NRP2: variants seen among roughly 807,000 people sequenced by gnomAD.
The protein encoded by NRP2 is neuropilin-2.
NRP2 carries 52 observed loss-of-function variants against 110.4 expected under a neutral mutation model. The observed-to-expected ratio is 0.47, with a 90% CI of 0.38 to 0.59. NRP2 has a LOEUF of 0.59. Ranked by LOEUF, NRP2 falls within the 20% of genes least tolerant of loss-of-function variation. The pLI is 0.00. For synonymous variants in NRP2, 508 were observed against 468.9 expected (o/e 1.08, Z -1.08); for missense variants, 1,049 against 1,203.0 (o/e 0.87, Z 1.89).
intron 13 of NRP2, among the ~76,000 whole-genome samples, chr2:205,765,097 C>T (rs1049053325): frequency 1.1e-4 from 17 of 152,120 alleles, no homozygotes; most frequent in Non-Finnish European, 2.1e-4. Flanking sequence ...TTTTCAAATA[C>T]CTGGATTGGG....
intron 5 of NRP2, among the ~76,000 whole-genome samples, chr2:205,724,886 C>T (rs527746540): frequency 1.5e-4 from 23 of 152,094 alleles, no homozygotes; most frequent in Non-Finnish European, 2.9e-4. Context: ...AGACTGGTCT[C>T]GAACTCCTGC....
At chr2:205,777,473 G>A (rs2058118054) in intron 15 of NRP2, 1 of 152,204 alleles carries the variant, frequency 6.6e-6, no homozygotes, top group African/African-American at 2.4e-5. Context: ...ATAAGTCATA[G>A]AGAATAACAA....
At chr2:205,720,266 T>C (rs537333497) in intron 3 of NRP2, among the ~76,000 whole-genome samples, 26 of 40,570 alleles carry the variant, frequency 6.4e-4, no homozygotes, top group East Asian at 3.6e-3. Context: ...TTCTTTCTTT[T>C]TTTTTTTTTT....
chr2:205,697,479 G>A (rs997523357), intron 1 of NRP2, 65 bp from the exon 2 acceptor site: 1 of 1,389,212 alleles, frequency 7.2e-7, no homozygotes, highest in African/African-American at 1.4e-5. Context: ...AGAGAAGGAG[G>A]GAGTGTGGGG....
At chr2:205,755,854 G>C (rs1441574638) in intron 12 of NRP2, among the ~76,000 whole-genome samples, 1 of 152,150 alleles carries the variant, frequency 6.6e-6, no homozygotes, top group Non-Finnish European at 1.5e-5. Context: ...ATTTAAGAAA[G>C]GAGGTGTCTC....
intron 1 of NRP2, among the ~76,000 whole-genome samples, chr2:205,687,976 C>A (rs1455556822): frequency 6.6e-6 from 1 of 152,114 alleles, no homozygotes; most frequent in Non-Finnish European, 1.5e-5. Context: ...TTCCCTAAAG[C>A]AATCAGGAAA....
chr2:205,794,635 T>C (rs1013876800), intron 16 of NRP2, 119 bp from the exon 17 acceptor site: 20 of 1,069,324 alleles, frequency 1.9e-5, no homozygotes, highest in Non-Finnish European at 2.9e-5. Flanking sequence ...GGCAGTCTAA[T>C]TCCAGAGCTG....
intron 1 of NRP2, among the ~76,000 whole-genome samples, chr2:205,684,554 C>T (rs750997856): frequency 5.3e-5 from 8 of 152,162 alleles, no homozygotes; most frequent in Non-Finnish European, 8.8e-5. Flanking sequence ...ACCCTTCCTT[C>T]TCCTCACGCC....
intron 7 of NRP2, among the ~76,000 whole-genome samples, chr2:205,738,157 T>A (rs2057377744): frequency 6.6e-6 from 1 of 152,202 alleles, no homozygotes; most frequent in Non-Finnish European, 1.5e-5. Flanking sequence ...TGCTGTGGAT[T>A]AGCGGCAGTG....
chr2:205,745,915 G>T, intron 10 of NRP2, 25 bp downstream of exon 10: 3 of 1,613,624 alleles, frequency 1.9e-6, no homozygotes, highest in Non-Finnish European at 2.5e-6. Flanking sequence ...CCTCCTCTTT[G>T]CATCTCACCC....
chr2:205,732,444 G>A (rs895328149), intron 7 of NRP2, among the ~76,000 whole-genome samples: 1 of 152,226 alleles, frequency 6.6e-6, no homozygotes, highest in East Asian at 1.9e-4. Context: ...AGAGGCACGT[G>A]ATGTCTATTT....
intron 7 of NRP2, among the ~76,000 whole-genome samples, chr2:205,737,886 T>C (rs982094255): frequency 6.6e-6 from 1 of 152,110 alleles, no homozygotes; most frequent in Admixed American, 6.5e-5. Flanking sequence ...TGTGGCCACA[T>C]GTATCCATGG....
chr2:205,730,017 G>T (rs1209974814), intron 7 of NRP2, among the ~76,000 whole-genome samples: 2 of 152,148 alleles, frequency 1.3e-5, no homozygotes, highest in African/African-American at 4.8e-5. Context: ...CAGAGGAAAA[G>T]CCCATTCTCT....
intron 12 of NRP2, among the ~76,000 whole-genome samples, chr2:205,754,968 G>GA (rs2057710659): frequency 6.6e-6 from 1 of 152,094 alleles, no homozygotes; most frequent in African/African-American, 2.4e-5. Context: ...ACTCTTCTAA[G>GA]CATATTTTCT....
chr2:205,792,562 C>T (rs959324832), intron 16 of NRP2, among the ~76,000 whole-genome samples: 1 of 152,214 alleles, frequency 6.6e-6, no homozygotes, highest in Non-Finnish European at 1.5e-5. Context: ...TCTGAATAAA[C>T]CCTTTACAAG....
chr2:205,721,497 C>A (rs2057011296), intron 3 of NRP2, among the ~76,000 whole-genome samples: 1 of 152,064 alleles, frequency 6.6e-6, no homozygotes, highest in Admixed American at 6.5e-5. Flanking sequence ...GTGGTGCTGC[C>A]CTGGCAAATG....
intron 3 of NRP2, 90 bp from the exon 4 acceptor site, chr2:205,722,388 T>G: frequency 2.8e-6 from 3 of 1,077,868 alleles, no homozygotes; most frequent in Non-Finnish European, 2.8e-6. Flanking sequence ...AGCAGGGGGA[T>G]TTGGGGCCAA....
intron 2 of NRP2, among the ~76,000 whole-genome samples, chr2:205,703,765 A>G (rs1310443478): frequency 6.6e-6 from 1 of 152,192 alleles, no homozygotes; most frequent in Non-Finnish European, 1.5e-5. Context: ...CCCAAAGACA[A>G]GAAGGAGGGA....
chr2:205,771,419 C>T (rs10932124), intron 15 of NRP2, among the ~76,000 whole-genome samples: 143,481 of 152,286 alleles, frequency 0.94, 68,224 homozygotes, highest in East Asian at 1. Flanking sequence ...AAATGTTCCT[C>T]CACCAGCACT....
Sources: allele counts gnomAD v4.1 joint callset (sites outside exome capture counted in the v4.1 genomes callset), GRCh38; gene constraint gnomAD v4.1.1; transcripts MANE v1.5; gene names NCBI Gene and HGNC (gene_info 2026-07-23, HGNC 2026-07-21).